NCF4: variants seen among roughly 807,000 people sequenced by gnomAD.
NCF4 encodes the protein neutrophil cytosolic factor 4, also known as neutrophil cytosol factor 4.
Under a neutral mutation model 41.7 loss-of-function variants are expected in NCF4, and 30 were observed. The observed-to-expected ratio is 0.72, with a 90% confidence interval of 0.54 to 0.97. The LOEUF (loss-of-function observed/expected upper bound fraction) is 0.97. NCF4 is among the 50% of genes least tolerant of loss of function. The probability of loss-of-function intolerance (pLI) is 0.00; values close to 1 mark genes in which losing one functional copy is unlikely to be tolerated. For synonymous variants in NCF4, 195 were observed against 175.8 expected, an observed-to-expected ratio of 1.11 and a Z score of -0.87; for missense variants, 432 against 460.9, an observed-to-expected ratio of 0.94 and a Z score of 0.57.
At chr22:36,874,443 A>G (rs552811037) in intron 7 of NCF4, among the ~76,000 whole-genome samples, 1 of 152,292 alleles carries the variant, frequency 6.6e-6, no homozygotes, top group South Asian at 2.1e-4. Context: ...AGTAGTGACC[A>G]CTGGTTTAGC....
intron 9 of NCF4, among the ~76,000 whole-genome samples, 159 bp from the exon 10 acceptor site, chr22:36,877,469 T>C (rs897798399): frequency 4.6e-5 from 7 of 152,276 alleles, no homozygotes; most frequent in Non-Finnish European, 1.0e-4. Context: ...TATCCCCATC[T>C]GTACAATGGG....
intron 7 of NCF4, among the ~76,000 whole-genome samples, chr22:36,872,989 G>A (rs1175734183): frequency 1.3e-5 from 2 of 148,400 alleles, no homozygotes; most frequent in African/African-American, 2.5e-5. Context: ...TAAGGGTGGA[G>A]GCGAGAGTGG....
intron 9 of NCF4, among the ~76,000 whole-genome samples, chr22:36,876,898 C>G (rs992904040): frequency 2.0e-5 from 3 of 152,182 alleles, no homozygotes; most frequent in African/African-American, 7.2e-5. Context: ...AAGCTCAGAT[C>G]AATTTCTACG....
At chr22:36,870,659 C>T in intron 5 of NCF4, 117 bp downstream of exon 5, 2 of 1,365,528 alleles carry the variant, frequency 1.5e-6, no homozygotes, top group Non-Finnish European at 2.0e-6. Flanking sequence ...TCCCTGGACA[C>T]TCCAGGATGA....
intron 1 of NCF4, among the ~76,000 whole-genome samples, chr22:36,862,349 G>A (rs1043701688): frequency 2.0e-5 from 3 of 152,192 alleles, no homozygotes; most frequent in Non-Finnish European, 2.9e-5. Context: ...GGGAGTCCAC[G>A]TGGCCTTCCT....
rs1352379790 is a variant in NCF4 at position 36,861,015 on chromosome 22, A to T, written c.-157A>T. 1 of 941,874 alleles carries T rather than the reference A, an allele frequency of 1.1e-6. No individual in the cohort carries two copies. The highest frequency in any genetic ancestry group is 2.6e-5 in the East Asian group (1 of 37,958). 58.3% of individuals were successfully genotyped at this position (941,874 alleles called of 1,614,324 possible). ...AGGAGGAGCCTCTGCCAGACTGGAG[A>T]GAAGCAGGCCTGAGCCTCCCCAAAG... is the stretch of plus-strand genomic sequence containing the variant. On this transcript the variant is annotated 5_prime_UTR_variant, in exon 1 of 10. Coordinates refer to ENST00000248899, the MANE Select transcript of NCF4 (RefSeq NM_000631.5).
intron 9 of NCF4, 144 bp downstream of exon 9, chr22:36,876,238 A>G (rs1601556864): frequency 2.3e-6 from 2 of 854,618 alleles, no homozygotes; most frequent in Non-Finnish European, 3.5e-6. Flanking sequence ...CCTGCAGGTT[A>G]GGCAGCATCT....
intron 5 of NCF4, among the ~76,000 whole-genome samples, chr22:36,871,310 C>A (rs1940049700): frequency 6.6e-6 from 1 of 152,232 alleles, no homozygotes; most frequent in South Asian, 2.1e-4. Flanking sequence ...TAGAAACAGT[C>A]ACATTTACAT....
At chr22:36,867,653 A>G (rs942539311) in intron 4 of NCF4, among the ~76,000 whole-genome samples, 191 bp downstream of exon 4, 2 of 152,170 alleles carry the variant, frequency 1.3e-5, no homozygotes, top group Non-Finnish European at 2.9e-5. Context: ...CAGAGATAGG[A>G]GCAGGAGCAA....
chr22:36,870,340 G>C, intron 4 of NCF4, 75 bp from the exon 5 acceptor site: 2 of 1,603,602 alleles, frequency 1.2e-6, no homozygotes, highest in South Asian at 1.1e-5. Flanking sequence ...AGGGCTCGGG[G>C]ACGGGACATC....
intron 9 of NCF4, 135 bp from the exon 10 acceptor site, chr22:36,877,493 T>C (rs2145729774): frequency 1.1e-6 from 1 of 891,010 alleles, no homozygotes; most frequent in Non-Finnish European, 1.8e-6. Flanking sequence ...TTAGATTACT[T>C]GGATGACACG....
rs763926440 is a variant in NCF4, at chr22:36,874,456, GT to G, written c.628-1194del. ...CTAGTAGTGACCACTGGTTTAGCCA[GT>G]TTAGCAGTTTCCATTTTACCCTAAT... On this transcript the variant is annotated intron_variant, in intron 7 of 9. Coordinates refer to ENST00000248899, the MANE Select transcript of NCF4 (RefSeq NM_000631.5). 1.4e-3 allele frequency among the ~76,000 whole-genome samples: 219 copies of G among 152,308 alleles called. 2 individuals carry two copies. The highest frequency in any genetic ancestry group is 1.9e-3 in the Non-Finnish European group (127 of 68,026).
In NCF4 at chr22:36,871,718, C is replaced by T. The variant is rs773758945; in HGVS notation, c.528+9C>T. 21 of 1,557,278 alleles carry T rather than the reference C, an allele frequency of 1.3e-5. No homozygotes were observed. Among genetic ancestry groups the T allele is most frequent in the East Asian group, 2.4e-5 (1 of 41,570 alleles). ...CAGCTCCGAGAGCAGAGGTAACCCC[C>T]GCCCCCACGCTGGCCAGGCTCTCAC... On this transcript the variant is annotated intron_variant, in intron 6 of 9. Transcript: ENST00000248899.
intron 6 of NCF4, 197 bp from the exon 7 acceptor site, chr22:36,872,130 C>A (rs747493888): frequency 5.6e-6 from 4 of 713,960 alleles, no homozygotes; most frequent in African/African-American, 3.5e-5. Context: ...AAGGAGCACC[C>A]ATCCTGGAGT....
intron 5 of NCF4, among the ~76,000 whole-genome samples, 194 bp from the exon 6 acceptor site, chr22:36,871,458 T>C (rs922790927): frequency 6.6e-6 from 1 of 152,154 alleles, no homozygotes; most frequent in African/African-American, 2.4e-5. Context: ...GGGAGAACAA[T>C]CCCACCTCCA....
At chr22:36,872,691 A>AGATTGGAGGTG in intron 7 of NCF4, among the ~76,000 whole-genome samples, 1 of 24,816 alleles carries the variant, frequency 4.0e-5, no homozygotes, top group Non-Finnish European at 8.2e-5. Context: ...GATTGGAGGT[A>AGATTGGAGGTG]AGGTTGGAGG....
chr22:36,862,339 G>T (rs533720652), intron 1 of NCF4, among the ~76,000 whole-genome samples: 1 of 152,186 alleles, frequency 6.6e-6, no homozygotes, highest in Admixed American at 6.5e-5. Flanking sequence ...ATGCCTACAG[G>T]GGAGTCCACG....
At chr22:36,867,507 T>C (rs562103925) in intron 4 of NCF4, 45 bp downstream of exon 4, 4 of 1,602,610 alleles carry the variant, frequency 2.5e-6, no homozygotes, top group East Asian at 2.2e-5. Context: ...GGGCATGCAG[T>C]ATTGGTGGGG....
intron 1 of NCF4, among the ~76,000 whole-genome samples, chr22:36,861,792 T>G (rs1316724644): frequency 6.6e-6 from 1 of 152,236 alleles, no homozygotes; most frequent in Non-Finnish European, 1.5e-5. Context: ...GTGTCCGTTT[T>G]GATCGCTGCT....
Sources: allele counts gnomAD v4.1 joint callset (sites outside exome capture counted in the v4.1 genomes callset), GRCh38; gene constraint gnomAD v4.1.1; transcripts MANE v1.5; gene names NCBI Gene and HGNC (gene_info 2026-07-23, HGNC 2026-07-21).